The following CLASP2 variants were observed in gnomAD, a reference collection of about 807,000 sequenced individuals.
CLASP2 encodes cytoplasmic linker associated protein 2, also known as CLIP-associating protein 2.
A neutral mutation model predicts 194.4 loss-of-function variants in CLASP2; 47 were observed. The observed-to-expected ratio is 0.24, with a 90% confidence interval of 0.19 to 0.31. The LOEUF (loss-of-function observed/expected upper bound fraction) is 0.31, where lower values mean the gene tolerates loss of function less well. CLASP2 is among the 10% of genes least tolerant of loss of function. The probability of loss-of-function intolerance (pLI) is 1.00; values close to 1 mark genes in which losing one functional copy is unlikely to be tolerated. For missense variants in CLASP2, 1,445 were observed against 1,823.6 expected, an observed-to-expected ratio of 0.79 and a Z score of 3.78; for synonymous variants, 619 against 633.5, an observed-to-expected ratio of 0.98 and a Z score of 0.34.
At chr3:33,587,385 A>G (rs1330974609) in intron 21 of CLASP2, among the ~76,000 whole-genome samples, 1 of 151,974 alleles carries the variant, frequency 6.6e-6, no homozygotes, top group Non-Finnish European at 1.5e-5. Context: ...CGGCCTCCCA[A>G]AGTGCTGGGA....
chr3:33,528,716 T>A (rs1575919890), intron 34 of CLASP2, among the ~76,000 whole-genome samples: 1 of 151,376 alleles, frequency 6.6e-6, no homozygotes, highest in East Asian at 1.9e-4. Flanking sequence ...GAGCCAAGAT[T>A]GCGCCACAGC....
intron 34 of CLASP2, among the ~76,000 whole-genome samples, chr3:33,517,613 A>G (rs539133052): frequency 6.6e-6 from 1 of 152,134 alleles, no homozygotes; most frequent in Non-Finnish European, 1.5e-5. Context: ...CGACCACTGG[A>G]TTTAGGTAGT....
intron 12 of CLASP2, among the ~76,000 whole-genome samples, chr3:33,612,772 A>G (rs1169008327): frequency 6.6e-6 from 1 of 152,132 alleles, no homozygotes; most frequent in Non-Finnish European, 1.5e-5. Context: ...CATGCAGGAT[A>G]TGTATTAGGA....
chr3:33,540,290 G>A (rs1470144973), intron 32 of CLASP2, among the ~76,000 whole-genome samples: 3 of 146,772 alleles, frequency 2.0e-5, no homozygotes, highest in Non-Finnish European at 4.4e-5. Flanking sequence ...AGACTGGAGT[G>A]CAGTGGTGCA....
At chr3:33,525,877 C>T (rs2054401998) in intron 34 of CLASP2, among the ~76,000 whole-genome samples, 1 of 152,190 alleles carries the variant, frequency 6.6e-6, no homozygotes, top group Non-Finnish European at 1.5e-5. Context: ...GCTTGGAATT[C>T]CAGACAGCCA....
Position 33,696,869 on chromosome 3 carries a change from G to C in CLASP2, c.260C>G (p.Ser87Cys), listed in dbSNP as rs1424729453. Residue 87 changes from serine (S) to cysteine (C), a missense_variant, in exon 2 of 39, where the codon TCC (serine) becomes TGC (cysteine). By Grantham distance (112) the Ser-to-Cys change is moderately radical (BLOSUM62 -1). This residue lies in a region of CLASP2 where 332 missense variants were observed against 325.3 expected (regional missense o/e 1.02). Transcript: ENST00000682230. ...FVDRLSTRFK[S>C]YVAMVIVALI... ...AGTTAACTTACCCATTGCTACATAG[G>C]ATTTAAAGCGTGTTGATAATCTGTC... The C allele has an allele frequency of 1.9e-6, 3 of 1,589,458 alleles. No individual in the cohort carries two copies. Among genetic ancestry groups the C allele is most frequent in the Non-Finnish European group, 2.6e-6 (3 of 1,164,718 alleles).
intron 37 of CLASP2, among the ~76,000 whole-genome samples, chr3:33,507,881 G>A (rs548798775): frequency 3.3e-5 from 5 of 151,680 alleles, no homozygotes; most frequent in Non-Finnish European, 5.9e-5. Flanking sequence ...ATACCCTGCC[G>A]CAACATCTTT....
At chr3:33,573,594 G>A (rs1424414802) in intron 24 of CLASP2, 4 of 538,878 alleles carry the variant, frequency 7.4e-6, no homozygotes, top group Admixed American at 3.1e-5. Context: ...AAGACTATAT[G>A]GAAGTTCAGA....
chr3:33,659,120 G>T, intron 7 of CLASP2: 1 of 1,448,336 alleles, frequency 6.9e-7, no homozygotes, highest in Non-Finnish European at 9.1e-7. Flanking sequence ...CCCAGGCCTC[G>T]CTGCAGCTCT....
At chr3:33,695,999 C>T (rs998390197) in intron 2 of CLASP2, among the ~76,000 whole-genome samples, 3 of 152,122 alleles carry the variant, frequency 2.0e-5, no homozygotes, top group Admixed American at 1.3e-4. Flanking sequence ...GTACTACAAA[C>T]ACACTGTAAG....
chr3:33,633,242 C>T (rs866112892), intron 8 of CLASP2, among the ~76,000 whole-genome samples: 1 of 152,202 alleles, frequency 6.6e-6, no homozygotes, highest in Admixed American at 6.5e-5. Flanking sequence ...AGTCCCAGAT[C>T]TGTGGAGCCC....
intron 7 of CLASP2, among the ~76,000 whole-genome samples, chr3:33,649,299 A>G (rs1317570866): frequency 6.6e-6 from 1 of 152,100 alleles, no homozygotes; most frequent in African/African-American, 2.4e-5. Context: ...TTTTCCTAGC[A>G]CTTATCATCT....
intron 32 of CLASP2, among the ~76,000 whole-genome samples, chr3:33,540,696 T>C (rs1025522924): frequency 6.6e-6 from 1 of 152,210 alleles, no homozygotes; most frequent in Non-Finnish European, 1.5e-5. Context: ...TCCAATAATG[T>C]TAATGAATAA....
chr3:33,572,352 T>C (rs1053938240), intron 25 of CLASP2, among the ~76,000 whole-genome samples: 3 of 152,194 alleles, frequency 2.0e-5, no homozygotes, highest in Non-Finnish European at 2.9e-5. Context: ...ATTTAGGTGA[T>C]ACAGAAACAT....
chr3:33,663,884 A>G (rs1345009447), intron 6 of CLASP2, among the ~76,000 whole-genome samples: 1 of 152,194 alleles, frequency 6.6e-6, no homozygotes, highest in East Asian at 1.9e-4. Context: ...GCATATAAAA[A>G]TCATGCCAAA....
At chr3:33,568,577 TAC>T (rs1369967528) in intron 26 of CLASP2, among the ~76,000 whole-genome samples, 3 of 96,888 alleles carry the variant, frequency 3.1e-5, no homozygotes, top group East Asian at 3.4e-4. Context: ...AAAAAAAAAT[TAC>T]ACACACACAC....
At chr3:33,562,138 T>C (rs1463364495) in intron 27 of CLASP2, among the ~76,000 whole-genome samples, 2 of 152,222 alleles carry the variant, frequency 1.3e-5, no homozygotes, top group Non-Finnish European at 2.9e-5. Context: ...CTTTAGCTAT[T>C]TGCTTAAGAC....
intron 6 of CLASP2, among the ~76,000 whole-genome samples, chr3:33,673,385 C>G (rs910291252): frequency 6.6e-6 from 1 of 152,144 alleles, no homozygotes; most frequent in African/African-American, 2.4e-5. Flanking sequence ...TACAGACAAG[C>G]AAATGCTGAG....
At chr3:33,511,194 G>A (rs1021796773) in intron 36 of CLASP2, among the ~76,000 whole-genome samples, 2 of 151,798 alleles carry the variant, frequency 1.3e-5, no homozygotes, top group Non-Finnish European at 1.5e-5. Context: ...CATCATGCCC[G>A]GCTAATTTTT....
Sources: allele counts gnomAD v4.1 joint callset (sites outside exome capture counted in the v4.1 genomes callset), GRCh38; gene constraint gnomAD v4.1.1; regional missense constraint gnomAD v4.1.1; transcripts MANE v1.5; gene names NCBI Gene and HGNC (gene_info 2026-07-23, HGNC 2026-07-21).